Variants in PCNX2 observed in about 807,000 individuals in gnomAD.
The protein encoded by PCNX2 is pecanex-like protein 2.
Under a neutral mutation model 223.8 loss-of-function variants are expected in PCNX2, and 168 were observed. The ratio of observed to expected loss-of-function variants is 0.75; its 90% CI spans 0.66 to 0.85. The LOEUF is 0.85. Ranked by LOEUF, PCNX2 falls within the 40% of genes least tolerant of loss-of-function variation. PCNX2 has a pLI of 0.00. For missense variants in PCNX2, 2,507 were observed against 2,675.5 expected (o/e 0.94, Z 1.39); for synonymous variants, 1,006 against 1,052.6 (o/e 0.96, Z 0.86).
chr1:233,025,037 GA>G, intron 26 of PCNX2, 108 bp downstream of exon 26: 1 of 1,435,354 alleles, frequency 7.0e-7, no homozygotes, highest in Non-Finnish European at 9.5e-7. Context: ...TTCCAATTCG[GA>G]AGCTGAGGAT....
Position 233,198,398 on chromosome 1 carries a change from C to A in PCNX2, c.3066+541G>T, listed in dbSNP as rs558874922. 2.0e-4 allele frequency among the ~76,000 whole-genome samples: 31 copies of A among 152,300 alleles called. No individual in the cohort carries two copies. In the South Asian group the frequency reaches 6.2e-3, roughly 31 times the overall value. On this transcript the variant is annotated intron_variant, in intron 15 of 33. Coordinates refer to ENST00000258229, the MANE Select transcript of PCNX2 (RefSeq NM_014801.4). ...CAATAGATACGTTTCTTGCCTGACA[C>A]AACTTTGTGTTTTCTGAAGTTCGTG...
intron 22 of PCNX2, 133 bp from the exon 23 acceptor site, chr1:233,090,323 C>T (rs1050405166): frequency 9.5e-7 from 1 of 1,047,144 alleles, no homozygotes; most frequent in Non-Finnish European, 1.4e-6. Flanking sequence ...CACACTTAAT[C>T]TCTCTATGTA....
intron 21 of PCNX2, among the ~76,000 whole-genome samples, chr1:233,111,828 T>C (rs372841758): frequency 6.6e-6 from 1 of 152,176 alleles, no homozygotes; most frequent in Non-Finnish European, 1.5e-5. Context: ...AGGATCATAG[T>C]AGGTATTTCA....
chr1:233,106,543 G>A (rs1195337337), intron 21 of PCNX2, among the ~76,000 whole-genome samples: 2 of 151,748 alleles, frequency 1.3e-5, no homozygotes, highest in African/African-American at 4.8e-5. Flanking sequence ...TAGTAGAGAC[G>A]GGGTTTCACC....
Position 233,034,143 on chromosome 1 carries a change from C to T in PCNX2, c.4352-8744G>A, listed in dbSNP as rs140106573. On this transcript the variant is annotated intron_variant, in intron 25 of 33. Transcript: ENST00000258229. Reference sequence around the variant, plus strand: ...AGGAGAATTGCTTGAACCCGGGAGGCGGAGGTTGCAATGAGCCGAGATCGT... The same window carrying T: ...AGGAGAATTGCTTGAACCCGGGAGGTGGAGGTTGCAATGAGCCGAGATCGT... Among the ~76,000 whole-genome samples the T allele has an allele frequency of 9.6e-3, 1,466 of 152,206 alleles. 25 individuals carry two copies. The highest frequency in any genetic ancestry group is 0.032 in the African/African-American group (1,342 of 41,522).
rs1407668570 is a variant in PCNX2 at position 233,211,670 on chromosome 1, T to A, written c.2692-2981A>T. 6.7e-6 allele frequency: 4 copies of A among 594,092 alleles called. No homozygotes were observed. In the African/African-American group the frequency reaches 8.1e-5, roughly 12 times the overall value. The allele number at this position is 594,092 out of a possible 1,614,324, so 36.8% of individuals were successfully genotyped here. On this transcript the variant is annotated intron_variant, in intron 12 of 33. Coordinates refer to ENST00000258229, the MANE Select transcript of PCNX2 (RefSeq NM_014801.4). ...GAAAACAGCATGGCAGAGTAAGGAC[T>A]GGAGCCCCATTTGCCTGGCTTCCTC... is the stretch of plus-strand genomic sequence containing the variant.
intron 19 of PCNX2, among the ~76,000 whole-genome samples, chr1:233,150,538 A>G (rs879576047): frequency 3.9e-5 from 6 of 152,196 alleles, no homozygotes; most frequent in Non-Finnish European, 7.4e-5. Context: ...GTGGGTTTTT[A>G]CTTTGGCATC....
chr1:233,025,657 G>A (rs1671058597), intron 25 of PCNX2: 4 of 513,114 alleles, frequency 7.8e-6, no homozygotes. Flanking sequence ...GGAGATATGA[G>A]CTAAATGTCA....
intron 23 of PCNX2, chr1:233,065,808 C>A (rs931193023): frequency 2.6e-5 from 4 of 152,154 alleles, no homozygotes; most frequent in Non-Finnish European, 5.9e-5. Context: ...AAACCATAGC[C>A]CTATGCCTAT....
In PCNX2 at chr1:232,986,690, C is replaced by T. The variant is rs1327910292; in HGVS notation, c.5792-150G>A. The T allele has an allele frequency of 4.1e-6, 3 of 739,094 alleles. No homozygotes were observed. The African/African-American group carries it at 5.3e-5, about 13-fold the overall frequency. The allele number at this position is 739,094 out of a possible 1,614,324, so 45.8% of individuals were successfully genotyped here. Reference sequence around the variant, plus strand: ...GCTGGGACAAGAGCTGGAAGCCTGACCACTGCCTCACCCACTCCCTCCCGC... The same window carrying T: ...GCTGGGACAAGAGCTGGAAGCCTGATCACTGCCTCACCCACTCCCTCCCGC... On this transcript the variant is annotated intron_variant, in intron 32 of 33. Coordinates refer to ENST00000258229, the MANE Select transcript of PCNX2 (RefSeq NM_014801.4).
intron 13 of PCNX2, among the ~76,000 whole-genome samples, chr1:233,206,584 T>C (rs1464235439): frequency 2.0e-5 from 3 of 152,190 alleles, no homozygotes; most frequent in Non-Finnish European, 4.4e-5. Context: ...TCAGGAAGGA[T>C]AGAAGCAAAT....
intron 1 of PCNX2, among the ~76,000 whole-genome samples, chr1:233,283,195 A>G (rs993686454): frequency 6.6e-6 from 1 of 152,160 alleles, no homozygotes; most frequent in African/African-American, 2.4e-5. Context: ...AATATGAAAT[A>G]ATGGAAGGAG....
At position 233,229,722 on chromosome 1, in the gene PCNX2, T is replaced by C. The variant is rs568906483; in HGVS notation, c.2359-2351A>G. Among the ~76,000 whole-genome samples, 4 of 152,254 alleles carry C rather than the reference T, an allele frequency of 2.6e-5. No homozygotes were observed. In the South Asian group the frequency reaches 6.2e-4, roughly 24 times the overall value. ...TATCTAAAAAATTACATGAAGACTA[T>C]GCCTGCATCTTTTTAAAAACTTATT... On this transcript the variant is annotated intron_variant, in intron 9 of 33. Coordinates refer to ENST00000258229, the MANE Select transcript of PCNX2 (RefSeq NM_014801.4).
chr1:233,186,751 T>TA (rs1296097018), intron 15 of PCNX2, among the ~76,000 whole-genome samples: 1 of 152,244 alleles, frequency 6.6e-6, no homozygotes, highest in Non-Finnish European at 1.5e-5. Flanking sequence ...AAAAACATGA[T>TA]ATGTTTATGA....
chr1:233,024,813 G>T (rs1414529962), intron 26 of PCNX2, among the ~76,000 whole-genome samples: 1 of 152,160 alleles, frequency 6.6e-6, no homozygotes, highest in African/African-American at 2.4e-5. Flanking sequence ...ACTCAAACAT[G>T]GAGGCTTAGA....
In PCNX2 at chr1:233,032,189, G is replaced by A. The variant is rs538962313; in HGVS notation, c.4352-6790C>T. 2.4e-5 allele frequency: 12 copies of A among 509,984 alleles called. 1 individual carries two copies. The South Asian group carries it at 4.2e-4, about 18-fold the overall frequency. 31.6% of individuals were successfully genotyped at this position (509,984 alleles called of 1,614,324 possible). ...GCGATCTTGGCTTACCACAACCTCCGCCTCCCGGGTTCAAGCGATTTTCCT... is the reference window on the plus strand; with the variant it reads ...GCGATCTTGGCTTACCACAACCTCCACCTCCCGGGTTCAAGCGATTTTCCT... On this transcript the variant is annotated intron_variant, in intron 25 of 33. Transcript: ENST00000258229.
intron 15 of PCNX2, among the ~76,000 whole-genome samples, chr1:233,192,397 T>C (rs1680472501): frequency 6.6e-6 from 1 of 152,150 alleles, no homozygotes; most frequent in Non-Finnish European, 1.5e-5. Context: ...ACACTGACTG[T>C]CCTAATATTA....
At chr1:233,206,656 C>T (rs919205060) in intron 13 of PCNX2, among the ~76,000 whole-genome samples, 1 of 151,832 alleles carries the variant, frequency 6.6e-6, no homozygotes, top group Admixed American at 6.6e-5. Context: ...TATTTTTTTT[C>T]CAACATGTTT....
At chr1:233,079,307 G>A (rs368085812) in intron 23 of PCNX2, among the ~76,000 whole-genome samples, 17 of 152,072 alleles carry the variant, frequency 1.1e-4, no homozygotes, top group East Asian at 3.9e-4. Flanking sequence ...AGCAGATCAC[G>A]AGGTCAGGAG....
Sources: allele counts gnomAD v4.1 joint callset (sites outside exome capture counted in the v4.1 genomes callset), GRCh38; gene constraint gnomAD v4.1.1; transcripts MANE v1.5; gene names NCBI Gene and HGNC (gene_info 2026-07-23, HGNC 2026-07-21).